Variants in ACSL6 observed in about 807,000 individuals in gnomAD.
ACSL6 encodes the protein long-chain-fatty-acid--CoA ligase 6.
A neutral mutation model predicts 98.2 loss-of-function variants in ACSL6; 47 were observed. The observed-to-expected ratio is 0.48, with a 90% CI of 0.38 to 0.61. ACSL6 has a LOEUF of 0.61. Ranked by LOEUF, ACSL6 falls within the 20% of genes least tolerant of loss-of-function variation. ACSL6 has a pLI of 0.00. For synonymous variants in ACSL6, 362 were observed against 336.9 expected (o/e 1.07, Z -0.82); for missense variants, 761 against 913.4 (o/e 0.83, Z 2.15).
At chr5:132,012,061 G>T, upstream of ACSL6, 1 of 1,173,972 alleles carries the variant, frequency 8.5e-7, no homozygotes, top group Non-Finnish European at 1.2e-6. Flanking sequence ...GGCTGGGCAG[G>T]CTCGAATGGC....
At chr5:132,005,119 T>A (rs1755329508) in intron 1 of ACSL6, among the ~76,000 whole-genome samples, 1 of 151,450 alleles carries the variant, frequency 6.6e-6, no homozygotes, top group Admixed American at 6.6e-5. Context: ...GCCATTGCAC[T>A]CCAGCCTGGG....
At chr5:131,992,558 C>A (rs1754582263) in intron 2 of ACSL6, among the ~76,000 whole-genome samples, 1 of 152,156 alleles carries the variant, frequency 6.6e-6, no homozygotes, top group Non-Finnish European at 1.5e-5. Context: ...GTCTTCCAGA[C>A]CCACAAGGTG....
chr5:131,976,854 T>C (rs1457040924), intron 9 of ACSL6, 133 bp from the exon 10 acceptor site: 2 of 724,564 alleles, frequency 2.8e-6, no homozygotes, highest in Non-Finnish European at 5.0e-6. Flanking sequence ...CAGCCACCTT[T>C]AGACTTACAG....
rs955220597 is a variant in ACSL6 at position 131,953,464 on chromosome 5, G to C, written c.*770C>G. 2 of 188,936 alleles carry C rather than the reference G, an allele frequency of 1.1e-5. No individual in the cohort carries two copies. Among genetic ancestry groups the C allele is most frequent in the African/African-American group, 4.7e-5 (2 of 42,828 alleles). The allele number at this position is 188,936 out of a possible 1,614,324, so 11.7% of individuals were successfully genotyped here. On this transcript the variant is annotated 3_prime_UTR_variant, in exon 21 of 21. Coordinates refer to ENST00000651883, the MANE Select transcript of ACSL6 (RefSeq NM_001009185.3). ...AAAAAAATTTCTATTAGCCAGGTGT[G>C]GTGGCATGTGCCTGTACTGTAGTCT...
intron 13 of ACSL6, 118 bp from the exon 14 acceptor site, chr5:131,971,763 G>A (rs1753322548): frequency 1.3e-6 from 1 of 776,006 alleles, no homozygotes; most frequent in Admixed American, 2.9e-5. Context: ...GCTAGGGCTG[G>A]GATCAGAAAG....
intron 1 of ACSL6, among the ~76,000 whole-genome samples, chr5:132,009,962 G>T (rs982333509): frequency 1.3e-5 from 2 of 152,166 alleles, no homozygotes; most frequent in African/African-American, 4.8e-5. Context: ...GTAGGGCAAA[G>T]GGGTCCTGGC....
rs1168207492 is a variant in ACSL6 at position 131,951,262 on chromosome 5, A to G, written c.*2972T>C. On this transcript the variant is annotated 3_prime_UTR_variant, in exon 21 of 21. Coordinates refer to ENST00000651883, the MANE Select transcript of ACSL6 (RefSeq NM_001009185.3). ...TGCCCAATATGAATGTGACCATCGT[A>G]AGTACATCACCTTTTTCTATCTCTG... 1 of 211,032 alleles carries G rather than the reference A, an allele frequency of 4.7e-6. No homozygotes were observed. Among genetic ancestry groups the G allele is most frequent in the Non-Finnish European group, 9.6e-6 (1 of 104,226 alleles). 13.1% of individuals were successfully genotyped at this position (211,032 alleles called of 1,614,324 possible). A position where few individuals can be genotyped will look rare whatever the true frequency, so the allele number is the denominator to read the frequency against.
Position 132,005,830 on chromosome 5 carries a change from G to C in ACSL6, c.49+5675C>G, listed in dbSNP as rs555637057. 2.0e-5 allele frequency among the ~76,000 whole-genome samples: 3 copies of C among 152,340 alleles called. No individual in the cohort carries two copies. The South Asian group carries it at 6.2e-4, about 32-fold the overall frequency. On this transcript the variant is annotated intron_variant, in intron 1 of 20. Coordinates refer to ENST00000651883, the MANE Select transcript of ACSL6 (RefSeq NM_001009185.3). ...GTGGGCCAGGCTGTGCTGAGAGTGA[G>C]GCGGGGTCCCAGGCACTGGTCAATA...
At position 131,951,359 on chromosome 5, in the gene ACSL6, A is replaced by G; in HGVS notation, c.*2875T>C. 1 of 199,828 alleles carries G rather than the reference A, an allele frequency of 5.0e-6. No homozygotes were observed. The highest frequency in any genetic ancestry group is 1.0e-5 in the Non-Finnish European group (1 of 96,738). 12.4% of individuals were successfully genotyped at this position (199,828 alleles called of 1,614,324 possible). Reference sequence around the variant, plus strand: ...AATCTGAAGCAAGAAGGATTTTTCCACTGATACATAGGGTTTCATTTCTCA... The same window carrying G: ...AATCTGAAGCAAGAAGGATTTTTCCGCTGATACATAGGGTTTCATTTCTCA... On this transcript the variant is annotated 3_prime_UTR_variant, in exon 21 of 21. Transcript: ENST00000651883.
rs1289504995 is a variant in ACSL6, at chr5:132,011,605, C to A, written c.-52G>T. On this transcript the variant is annotated 5_prime_UTR_variant, in exon 1 of 21. Transcript: ENST00000651883. This position sits in a 1 kb window ranked among gnomAD's most constrained non-coding sequence, Gnocchi z 5.4. ...CGGCCCGGCCTCCCCGACCCGCAGC[C>A]CCGCAGCCCCGCAGCCCAGCAGCCC... 1.4e-6 allele frequency: 2 copies of A among 1,388,832 alleles called. No individual in the cohort carries two copies. The highest frequency in any genetic ancestry group is 1.7e-5 in the South Asian group (1 of 59,704). 86.0% of individuals were successfully genotyped at this position (1,388,832 alleles called of 1,614,324 possible). A position where few individuals can be genotyped will look rare whatever the true frequency, so the allele number is the denominator to read the frequency against.
At chr5:131,957,413 A>G (rs572519835) in intron 20 of ACSL6, among the ~76,000 whole-genome samples, 1 of 152,378 alleles carries the variant, frequency 6.6e-6, no homozygotes, top group Non-Finnish European at 1.5e-5. Context: ...ATGGTTAAGT[A>G]TGCTCAAATA....
intron 10 of ACSL6, chr5:131,975,887 T>C (rs1447729525): frequency 1.0e-6 from 1 of 985,378 alleles, no homozygotes. Context: ...TGACCTGGGC[T>C]CAGCCACCAA....
At chr5:132,002,388 C>T (rs188707037) in intron 1 of ACSL6, among the ~76,000 whole-genome samples, 15 of 152,284 alleles carry the variant, frequency 9.9e-5, no homozygotes, top group African/African-American at 2.4e-4. Context: ...CTGCTCATGG[C>T]GAGGCCATGC....
intron 13 of ACSL6, among the ~76,000 whole-genome samples, chr5:131,971,928 G>T (rs999478674): frequency 9.2e-5 from 14 of 152,002 alleles, no homozygotes; most frequent in African/African-American, 3.4e-4. Context: ...CTATAATATT[G>T]GTTCTTCTCC....
chr5:131,983,048 G>A (rs530118680), intron 9 of ACSL6: 5 of 152,310 alleles, frequency 3.3e-5, no homozygotes, highest in African/African-American at 1.2e-4. Context: ...TAGACTGAAA[G>A]TTATGTTTTT....
intron 17 of ACSL6, among the ~76,000 whole-genome samples, 177 bp from the exon 18 acceptor site, chr5:131,962,855 A>G (rs1467579990): frequency 2.0e-5 from 3 of 151,820 alleles, no homozygotes; most frequent in Non-Finnish European, 4.4e-5. Context: ...ACCACTGTAC[A>G]CCGCAGGTTG....
rs576914876 is a variant in ACSL6, at chr5:131,989,526, G to A, written c.451-18C>T. ...TCGGCCACCTGCACACAGATGTGGG[G>A]AAGTGATGGGAAAACAAGGACTCTT... On this transcript the variant is annotated intron_variant, in intron 4 of 20. Transcript: ENST00000651883. The A allele has an allele frequency of 3.1e-6, 5 of 1,596,396 alleles. No individual in the cohort carries two copies. In the East Asian group the frequency reaches 9.0e-5, roughly 29 times the overall value.
At chr5:131,966,288 G>T (rs987889039) in intron 17 of ACSL6, 128 bp downstream of exon 17, 6 of 831,828 alleles carry the variant, frequency 7.2e-6, no homozygotes, top group Non-Finnish European at 1.2e-5. Flanking sequence ...CTCCCCCCAG[G>T]CCCCAGAGGT....
chr5:132,005,484 C>T (rs548997409), intron 1 of ACSL6, among the ~76,000 whole-genome samples: 5 of 152,378 alleles, frequency 3.3e-5, no homozygotes, highest in Admixed American at 6.5e-5. Context: ...TCTCACTGGC[C>T]GGCTCACATG....
Sources: gnomAD v4.1 joint callset for allele counts (sites outside exome capture counted in the v4.1 genomes callset) on GRCh38, gnomAD v4.1.1 for gene constraint, Gnocchi (gnomAD v3.1) non-coding constraint, MANE v1.5 for transcripts, NCBI Gene and HGNC (gene_info 2026-07-23, HGNC 2026-07-21) for gene names.